The following WFDC8 variants were observed in gnomAD, a reference collection of about 807,000 sequenced individuals.
The protein encoded by WFDC8 is WAP four-disulfide core domain protein 8.
A neutral mutation model predicts 27.0 loss-of-function variants in WFDC8; 24 were observed. That is an observed-to-expected ratio of 0.89 (90% CI 0.64 to 1.25). WFDC8 has a LOEUF of 1.25. Among genes scored for constraint, WFDC8 ranks in the 50% most tolerant of loss-of-function variants. The pLI is 0.00. For synonymous variants in WFDC8, 106 were observed against 99.7 expected, an observed-to-expected ratio of 1.06 and a Z score of -0.38; for missense variants, 287 against 295.9, an observed-to-expected ratio of 0.97 and a Z score of 0.22.
At chr20:45,569,752 C>T (rs1263133844) in intron 1 of WFDC8, among the ~76,000 whole-genome samples, 1 of 152,058 alleles carries the variant, frequency 6.6e-6, no homozygotes, top group Non-Finnish European at 1.5e-5. Flanking sequence ...GGAGTCCTTT[C>T]CCCTTCACAA....
At position 45,558,843 on chromosome 20, in the gene WFDC8, C is replaced by T. The variant is rs761898524; in HGVS notation, c.277+9G>A. 18 of 1,613,926 alleles carry T rather than the reference C, an allele frequency of 1.1e-5. No individual in the cohort carries two copies. Among genetic ancestry groups the T allele is most frequent in the Non-Finnish European group, 1.4e-5 (17 of 1,179,964 alleles). On this transcript the variant is annotated intron_variant, in intron 3 of 5. Transcript: ENST00000289953. ...GGGGAACCTCTGTCCTCAGCCTGGA[C>T]ATCGCTACCTTGAAAGGGATCCATG...
rs1980111934 is a variant in WFDC8 at position 45,553,279 on chromosome 20, A to T, written c.446-3T>A. On this transcript the variant is annotated splice_region_variant and splice_polypyrimidine_tract_variant and intron_variant, in intron 4 of 5. Transcript: ENST00000289953. ...GAGTGGGCATTGTCCATCCTTAACT[A>T]AAATAAGAGCAGATGTGAGCTTCTT... 1 of 1,612,284 alleles carries T rather than the reference A, an allele frequency of 6.2e-7. No homozygotes were observed. Among genetic ancestry groups the T allele is most frequent in the Non-Finnish European group, 8.5e-7 (1 of 1,179,046 alleles).
At chr20:45,568,507 A>C in intron 1 of WFDC8, 1 of 353,406 alleles carries the variant, frequency 2.8e-6, no homozygotes, top group South Asian at 2.5e-5. Flanking sequence ...TATTCTTGAT[A>C]GAGACACACC....
chr20:45,551,910 T>A lies in WFDC8; in HGVS notation c.*116A>T. 8.1e-7 allele frequency: 1 copy of A among 1,234,872 alleles called. No individual in the cohort carries two copies. The highest frequency in any genetic ancestry group is 1.1e-6 in the Non-Finnish European group (1 of 886,270). 76.5% of individuals were successfully genotyped at this position (1,234,872 alleles called of 1,614,324 possible). ...TATATATAAAATCAAAGTAACATCA[T>A]TCAATATTGTGATACTTAAGATAAT... On this transcript the variant is annotated 3_prime_UTR_variant, in exon 6 of 6. Coordinates refer to ENST00000289953, the MANE Select transcript of WFDC8 (RefSeq NM_130896.3).
chr20:45,569,210 A>C (rs6104231), intron 1 of WFDC8, among the ~76,000 whole-genome samples: 55,522 of 152,050 alleles, frequency 0.37, 10,780 homozygotes, highest in Non-Finnish European at 0.43. Context: ...TCAACCTGCC[A>C]TCCTTCTCCC....
At position 45,553,271 on chromosome 20, in the gene WFDC8, C is replaced by T; in HGVS notation, c.451G>A (p.Asp151Asn). The change falls in exon 5 of 6, where the codon GAT (aspartate) becomes AAT (asparagine). Residue 151 changes from aspartate (D) to asparagine (N), a missense_variant. Transcript: ENST00000289953. ...AAAGGGAAGAGTGGGCATTGTCCAT[C>T]CTTAACTAAAATAAGAGCAGATGTG... is the stretch of plus-strand genomic sequence containing the variant. The part of the protein sequence containing the change: ...CRTACMLIVK[D>N]GQCPLFPFTE... 6.2e-7 allele frequency: 1 copy of T among 1,612,832 alleles called. No homozygotes were observed.
At chr20:45,575,963 G>C (rs538927404) in intron 1 of WFDC8, among the ~76,000 whole-genome samples, 8 of 151,416 alleles carry the variant, frequency 5.3e-5, no homozygotes, top group Admixed American at 3.3e-4. Flanking sequence ...AGGACAACTA[G>C]CTCCATAAGT....
intron 3 of WFDC8, among the ~76,000 whole-genome samples, chr20:45,556,697 A>C (rs992143035): frequency 1.3e-5 from 2 of 152,210 alleles, no homozygotes; most frequent in African/African-American, 2.4e-5. Context: ...AAAGGTGAAA[A>C]AGCTCGATAG....
At chr20:45,567,830 C>G (rs557352980) in intron 1 of WFDC8, among the ~76,000 whole-genome samples, 65 of 152,152 alleles carry the variant, frequency 4.3e-4, no homozygotes, top group Non-Finnish European at 8.5e-4. Flanking sequence ...TCATTTTTAC[C>G]TTTTTTCTTG....
chr20:45,572,076 C>G (rs1024676736), intron 1 of WFDC8, among the ~76,000 whole-genome samples: 4 of 152,140 alleles, frequency 2.6e-5, no homozygotes, highest in Non-Finnish European at 5.9e-5. Flanking sequence ...AATGGCTGTA[C>G]TAATTTATAC....
intron 1 of WFDC8, among the ~76,000 whole-genome samples, chr20:45,569,299 A>G (rs1980787170): frequency 6.6e-6 from 1 of 152,220 alleles, no homozygotes; most frequent in Non-Finnish European, 1.5e-5. Context: ...AGTTCAAAGA[A>G]CCAAATGTCA....
chr20:45,567,512 G>A (rs766283179), intron 1 of WFDC8, among the ~76,000 whole-genome samples: 16 of 152,108 alleles, frequency 1.1e-4, no homozygotes, highest in Non-Finnish European at 1.9e-4. Flanking sequence ...GGTCAGAAAC[G>A]GCCCATACAG....
At chr20:45,569,745 G>T (rs1427930451) in intron 1 of WFDC8, among the ~76,000 whole-genome samples, 2 of 152,120 alleles carry the variant, frequency 1.3e-5, no homozygotes, top group Non-Finnish European at 2.9e-5. Context: ...TGAATAGGGA[G>T]TCCTTTCCCC....
At chr20:45,560,874 T>C (rs1193863592) in intron 2 of WFDC8, among the ~76,000 whole-genome samples, 1 of 152,194 alleles carries the variant, frequency 6.6e-6, no homozygotes, top group Non-Finnish European at 1.5e-5. Context: ...TTTCAGAAAA[T>C]ATAGACTCTA....
chr20:45,574,897 A>C (rs4810457), intron 1 of WFDC8, among the ~76,000 whole-genome samples: 58,795 of 152,092 alleles, frequency 0.39, 11,846 homozygotes, highest in Non-Finnish European at 0.43. Context: ...CAATGTGGTG[A>C]ACCATCTTAA....
intron 1 of WFDC8, chr20:45,568,177 A>C (rs1355936624): frequency 2.7e-5 from 8 of 294,386 alleles, no homozygotes; most frequent in Admixed American, 7.2e-5. Flanking sequence ...TCCACAGAAA[A>C]TTTGGAGTTG....
At chr20:45,565,354 C>T (rs1225761196) in intron 1 of WFDC8, among the ~76,000 whole-genome samples, 1 of 152,134 alleles carries the variant, frequency 6.6e-6, no homozygotes. Context: ...CCTCAGGATA[C>T]AGGTAGATTT....
chr20:45,574,603 T>G (rs1284691395), intron 1 of WFDC8, among the ~76,000 whole-genome samples: 2 of 152,166 alleles, frequency 1.3e-5, no homozygotes. Flanking sequence ...GAGACCAGCC[T>G]GGCCAACAGG....
chr20:45,569,231 G>T (rs1052764006), intron 1 of WFDC8, among the ~76,000 whole-genome samples: 11 of 152,152 alleles, frequency 7.2e-5, no homozygotes, highest in African/African-American at 2.7e-4. Context: ...TTTAGGAGAG[G>T]GAGGGTTAAA....
Sources: gnomAD v4.1 joint callset for allele counts (sites outside exome capture counted in the v4.1 genomes callset) on GRCh38, gnomAD v4.1.1 for gene constraint, MANE v1.5 for transcripts, NCBI Gene and HGNC (gene_info 2026-07-23, HGNC 2026-07-21) for gene names.